TPM4: variants seen among roughly 807,000 people sequenced by gnomAD.
The protein encoded by TPM4 is tropomyosin alpha-4 chain.
Under a neutral mutation model 35.8 loss-of-function variants are expected in TPM4, and 17 were observed. The observed-to-expected ratio is 0.47, with a 90% CI of 0.32 to 0.71. TPM4 has a LOEUF of 0.71. Ranked by LOEUF, TPM4 falls within the 30% of genes least tolerant of loss-of-function variation. The pLI, the probability that TPM4 is intolerant of heterozygous loss-of-function variation, is 0.03. For missense variants in TPM4, 240 were observed against 320.9 expected (o/e 0.75, Z 1.93); for synonymous variants, 120 against 122.9 (o/e 0.98, Z 0.15).
chr19:16,082,172 A>C lies in TPM4; in HGVS notation c.266+126A>C, dbSNP rs530624607. The C allele has an allele frequency of 7.0e-6, 9 of 1,279,432 alleles. No homozygotes were observed. In the African/African-American group the frequency reaches 1.3e-4, roughly 19 times the overall value. The allele number at this position is 1,279,432 out of a possible 1,614,324, so 79.3% of individuals were successfully genotyped here. A position where few individuals can be genotyped will look rare whatever the true frequency, so the allele number is the denominator to read the frequency against. On this transcript the variant is annotated intron_variant, in intron 2 of 7. Transcript: ENST00000643579. ...AAGGACATGCATGTGTCCACAAAAA[A>C]GTGCATGACAGCACTTTGTAAACCA... is the stretch of plus-strand genomic sequence containing the variant.
chr19:16,093,250 C>T (rs907377799), intron 5 of TPM4: 3 of 385,690 alleles, frequency 7.8e-6, no homozygotes, highest in African/African-American at 6.2e-5. Context: ...GGCTGGAGTG[C>T]AGTGGCGTGA....
intron 4 of TPM4, chr19:16,088,388 A>T (rs566528096): frequency 7.2e-6 from 9 of 1,258,638 alleles, no homozygotes; most frequent in Non-Finnish European, 7.1e-6. Context: ...CCCAGAGAGG[A>T]TATCTCAGGG....
chr19:16,076,011 C>CCA, upstream of TPM4: 2 of 1,590,962 alleles, frequency 1.3e-6, no homozygotes, highest in South Asian at 2.3e-5. Flanking sequence ...TGACCCCCCC[C>CCA]CCAGGCTGAC....
At chr19:16,075,405 A>C (rs1409237816), upstream of TPM4, 1 of 152,202 alleles carries the variant, frequency 6.6e-6, no homozygotes, top group Admixed American at 6.5e-5. Context: ...ATTTAACCCG[A>C]GCCTTCAAAG....
At chr19:16,081,561 A>G (rs1218026070) in intron 1 of TPM4, 2 of 166,322 alleles carry the variant, frequency 1.2e-5, no homozygotes, top group Non-Finnish European at 2.6e-5. Context: ...ACACTCAGCT[A>G]ATTTTTCTAT....
upstream of TPM4, chr19:16,076,281 G>T: frequency 6.6e-7 from 1 of 1,519,746 alleles, no homozygotes; most frequent in Admixed American, 2.5e-5. Flanking sequence ...GGAGAAGGCG[G>T]CGCCTCCCAG....
intron 1 of TPM4, 47 bp downstream of exon 1, chr19:16,076,744 C>T: frequency 3.1e-6 from 4 of 1,284,142 alleles, no homozygotes; most frequent in South Asian, 4.5e-5. Flanking sequence ...TCCTCCCCCG[C>T]GCGCCCTCCT....
Position 16,102,584 on chromosome 19 carries a change from A to T in TPM4, c.*1238A>T, listed in dbSNP as rs1168676667. 1 of 227,910 alleles carries T rather than the reference A, an allele frequency of 4.4e-6. No individual in the cohort carries two copies. Among genetic ancestry groups the T allele is most frequent in the Non-Finnish European group, 8.7e-6 (1 of 114,628 alleles). The allele number at this position is 227,910 out of a possible 1,614,324, so 14.1% of individuals were successfully genotyped here. A position where few individuals can be genotyped will look rare whatever the true frequency, so the allele number is the denominator to read the frequency against. ...TCAGGGAACAGCAAATTGAGGATTT[A>T]CTTATCTAGGACTTGAATTCCTTCT... On this transcript the variant is annotated 3_prime_UTR_variant, in exon 8 of 8. Transcript: ENST00000643579.
Position 16,070,038 on chromosome 19 carries a change from G to A in TPM4, c.114+2300G>A, listed in dbSNP as rs2090341678. On this transcript the variant is annotated intron_variant, in intron 2 of 2. Coordinates refer to the TPM4 transcript ENST00000589897. This position sits in a 1 kb window ranked among gnomAD's most constrained non-coding sequence, Gnocchi z 7.4. ...GCCCAGGGCTGTGACCTGCTGCAGG[G>A]GTGACTGGGTGGGGTCTGGGGACTG... is the stretch of plus-strand genomic sequence containing the variant. Among the ~76,000 whole-genome samples, 1 of 152,072 alleles carries A rather than the reference G, an allele frequency of 6.6e-6. No homozygotes were observed. The highest frequency in any genetic ancestry group is 2.4e-5 in the African/African-American group (1 of 41,374).
chr19:16,098,660 G>C (rs955816273), intron 7 of TPM4, among the ~76,000 whole-genome samples: 1 of 151,922 alleles, frequency 6.6e-6, no homozygotes, highest in Admixed American at 6.6e-5. Context: ...AGGGTTTAAG[G>C]CCTGGCGCAG....
intron 1 of TPM4, chr19:16,080,186 G>A (rs2090466250): frequency 5.0e-6 from 1 of 199,504 alleles, no homozygotes; most frequent in East Asian, 7.8e-5. Flanking sequence ...AGGACCTAGG[G>A]GACAGGTTCT....
chr19:16,094,808 A>G (rs2090674067), intron 7 of TPM4, among the ~76,000 whole-genome samples: 1 of 152,234 alleles, frequency 6.6e-6, no homozygotes, highest in Non-Finnish European at 1.5e-5. Context: ...TTGGGGTTCA[A>G]ATGGAATCTT....
At chr19:16,097,746 G>A (rs1197160926) in intron 7 of TPM4, among the ~76,000 whole-genome samples, 1 of 151,794 alleles carries the variant, frequency 6.6e-6, no homozygotes, top group African/African-American at 2.4e-5. Flanking sequence ...CCTGGAAATG[G>A]CATGAAAATC....
At chr19:16,091,611 C>T (rs888114441) in intron 5 of TPM4, among the ~76,000 whole-genome samples, 1 of 152,022 alleles carries the variant, frequency 6.6e-6, no homozygotes, top group African/African-American at 2.4e-5. Context: ...CCCGTCTCTA[C>T]CAAAAATACA....
At chr19:16,087,692 C>T (rs993076709) in intron 3 of TPM4, among the ~76,000 whole-genome samples, 2 of 152,118 alleles carry the variant, frequency 1.3e-5, no homozygotes, top group Admixed American at 1.3e-4. Flanking sequence ...ACCAGCCTGG[C>T]CACTACGGTG....
chr19:16,086,654 T>C (rs2090557756), intron 3 of TPM4, 114 bp downstream of exon 3: 1 of 810,302 alleles, frequency 1.2e-6, no homozygotes, highest in Admixed American at 2.5e-5. Flanking sequence ...TCAGCTGTCC[T>C]CCTGCGTGAA....
upstream of TPM4, chr19:16,075,557 T>C (rs1428159728): frequency 6.4e-6 from 1 of 155,266 alleles, no homozygotes. Context: ...TAGGGAGCCA[T>C]AGCAGGTTCT....
intron 2 of TPM4, among the ~76,000 whole-genome samples, chr19:16,085,061 C>A (rs111660467): frequency 6.6e-6 from 1 of 151,890 alleles, no homozygotes; most frequent in South Asian, 2.1e-4. Context: ...GACCAGCCTG[C>A]GCAACATAGT....
Position 16,070,502 on chromosome 19 carries a change from C to T in TPM4, c.114+2764C>T, listed in dbSNP as rs2090346018. Among the ~76,000 whole-genome samples, 1 of 152,084 alleles carries T rather than the reference C, an allele frequency of 6.6e-6. No individual in the cohort carries two copies. Among genetic ancestry groups the T allele is most frequent in the Non-Finnish European group, 1.5e-5 (1 of 67,988 alleles). On this transcript the variant is annotated intron_variant, in intron 2 of 2. Coordinates refer to the TPM4 transcript ENST00000589897. The surrounding 1 kb of genome is among the most constrained non-coding windows in gnomAD (Gnocchi z 7.4). ...CACCCAGGCCAGGAGCCAGGCCAGCCCGGCAGCTAAAGGCGAAAGCTCGGA... is the reference window on the plus strand; with the variant it reads ...CACCCAGGCCAGGAGCCAGGCCAGCTCGGCAGCTAAAGGCGAAAGCTCGGA...
Sources: allele counts gnomAD v4.1 joint callset (sites outside exome capture counted in the v4.1 genomes callset), GRCh38; gene constraint gnomAD v4.1.1; non-coding constraint Gnocchi (gnomAD v3.1); transcripts MANE v1.5; gene names NCBI Gene and HGNC (gene_info 2026-07-23, HGNC 2026-07-21).